Variants in PDZD2 observed in about 807,000 individuals in gnomAD.
PDZD2 encodes PDZ domain containing 2.
Under a neutral mutation model 220.7 loss-of-function variants are expected in PDZD2, and 90 were observed. The observed-to-expected ratio is 0.41, with a 90% confidence interval of 0.34 to 0.49. PDZD2 has a LOEUF of 0.49. Ranked by LOEUF, PDZD2 falls within the 20% of genes least tolerant of loss-of-function variation. The probability of loss-of-function intolerance (pLI) is 0.28; values close to 1 mark genes in which losing one functional copy is unlikely to be tolerated. For missense variants in PDZD2, 3,174 were observed against 3,608.5 expected, an observed-to-expected ratio of 0.88 and a Z score of 3.08; for synonymous variants, 1,375 against 1,450.5, an observed-to-expected ratio of 0.95 and a Z score of 1.18.
At chr5:32,049,618 G>A (rs1489387615) in intron 8 of PDZD2, among the ~76,000 whole-genome samples, 3 of 152,226 alleles carry the variant, frequency 2.0e-5, no homozygotes, top group Non-Finnish European at 4.4e-5. Context: ...CAGAACCTCT[G>A]TAAAGCTTTA....
intron 2 of PDZD2, among the ~76,000 whole-genome samples, chr5:31,821,748 A>G (rs1755877121): frequency 6.6e-6 from 1 of 151,694 alleles, no homozygotes; most frequent in South Asian, 2.1e-4. Context: ...TTACATAGGT[A>G]TACATGTGTC....
chr5:31,802,213 G>T (rs1053656284), intron 2 of PDZD2, among the ~76,000 whole-genome samples: 19 of 151,860 alleles, frequency 1.3e-4, no homozygotes, highest in African/African-American at 4.6e-4. Context: ...TGGGATGGTG[G>T]TATTGGGGTG....
intron 20 of PDZD2, among the ~76,000 whole-genome samples, chr5:32,091,627 G>A (rs1743173055): frequency 6.6e-6 from 1 of 151,910 alleles, no homozygotes; most frequent in South Asian, 2.1e-4. Flanking sequence ...TCATAACCAC[G>A]GTCCATTCGT....
Position 31,761,065 on chromosome 5 carries a change from AG to A in PDZD2, c.-360-37820del, listed in dbSNP as rs201152928. Among the ~76,000 whole-genome samples, 639 of 152,248 alleles carry A rather than the reference AG, an allele frequency of 4.2e-3. 2 individuals are homozygous for A. Among genetic ancestry groups the A allele is most frequent in the African/African-American group, 0.014 (577 of 41,554 alleles). Reference sequence around the variant, plus strand: ...CTCCGTGTGGGGAGGGGCACATAGTAGGGGTGGTGGTGACGGGAGTGGTGCT... The same window carrying A: ...CTCCGTGTGGGGAGGGGCACATAGTAGGGTGGTGGTGACGGGAGTGGTGCT... On this transcript the variant is annotated intron_variant, in intron 1 of 24. Transcript: ENST00000438447.
chr5:32,093,481 G>A (rs536593675), intron 21 of PDZD2, among the ~76,000 whole-genome samples: 1 of 152,200 alleles, frequency 6.6e-6, no homozygotes, highest in East Asian at 1.9e-4. Flanking sequence ...ACAACATGAG[G>A]GTTGGGGCAC....
intron 1 of PDZD2, among the ~76,000 whole-genome samples, chr5:31,640,924 G>A (rs1284700562): frequency 6.6e-6 from 1 of 152,042 alleles, no homozygotes; most frequent in African/African-American, 2.4e-5. Context: ...TCAGAACCAT[G>A]TAAAGTATAT....
At chr5:31,776,280 G>A (rs950668523) in intron 1 of PDZD2, among the ~76,000 whole-genome samples, 6 of 151,820 alleles carry the variant, frequency 4.0e-5, no homozygotes, top group African/African-American at 1.5e-4. Flanking sequence ...TGTCCAAGAT[G>A]CCAGCCCCTT....
At chr5:31,733,379 T>C (rs1218726087) in intron 1 of PDZD2, among the ~76,000 whole-genome samples, 1 of 152,200 alleles carries the variant, frequency 6.6e-6, no homozygotes, top group East Asian at 1.9e-4. Flanking sequence ...ATATCTTTCG[T>C]TTCTGTCTTT....
At position 31,980,317 on chromosome 5, in the gene PDZD2, C is replaced by A. The variant is rs539578223; in HGVS notation, c.477-2838C>A. On this transcript the variant is annotated intron_variant, in intron 2 of 24. Transcript: ENST00000438447. The stretch of plus-strand genomic sequence containing the variant: ...TAGCTTTTTGTGGTCTGACTTCTTT[C>A]ACTTTGCATAATGTTTCCAGGTTTC... Among the ~76,000 whole-genome samples, 36 of 152,320 alleles carry A rather than the reference C, an allele frequency of 2.4e-4. 1 individual carries two copies. Among genetic ancestry groups the A allele is most frequent in the African/African-American group, 9.6e-5 (4 of 41,572 alleles).
At chr5:31,960,202 C>G (rs1406426283) in intron 2 of PDZD2, among the ~76,000 whole-genome samples, 2 of 148,538 alleles carry the variant, frequency 1.3e-5, no homozygotes, top group Non-Finnish European at 3.0e-5. Context: ...TCTTTCCTTC[C>G]TTTCCTTCCT....
rs908052324 is a variant in PDZD2, at chr5:31,880,802, T to C, written c.476+81078T>C. Among the ~76,000 whole-genome samples the C allele has an allele frequency of 1.2e-4, 15 of 130,426 alleles. 1 individual carries two copies. Among genetic ancestry groups the C allele is most frequent in the Middle Eastern group, 7.2e-3 (2 of 276 alleles). 85.6% of individuals were successfully genotyped at this position (130,426 alleles called of 152,430 possible). On this transcript the variant is annotated intron_variant, in intron 2 of 24. Coordinates refer to ENST00000438447, the MANE Select transcript of PDZD2 (RefSeq NM_178140.4). The stretch of plus-strand genomic sequence containing the variant: ...TTTCTTTTTTTTTTCTTTTTTTTTT[T>C]TTTTTTTTTTTTTTTTGAGATGAAG...
intron 1 of PDZD2, among the ~76,000 whole-genome samples, chr5:31,709,542 C>T (rs1438652605): frequency 6.6e-6 from 1 of 151,956 alleles, no homozygotes; most frequent in Non-Finnish European, 1.5e-5. Context: ...TGTCCTGGGC[C>T]AATTTTCTCT....
rs1213576196 is a variant in PDZD2 at position 32,000,478 on chromosome 5, AGTTTGTTTTTGTTTTT to A, written c.1254+212_1254+227del. On this transcript the variant is annotated intron_variant, in intron 5 of 24. Coordinates refer to ENST00000438447, the MANE Select transcript of PDZD2 (RefSeq NM_178140.4). This position sits in a 1 kb window ranked among gnomAD's most constrained non-coding sequence, Gnocchi z 4.5. ...GTTAGTTACTTGGCTTTCCTTAAGA[AGTTTGTTTTTGTTTTT>A]GTTTTTGTTTTTGTTTTTGTTTTTG... Among the ~76,000 whole-genome samples the A allele has an allele frequency of 4.8e-5, 7 of 146,116 alleles. No homozygotes were observed. The highest frequency in any genetic ancestry group is 7.4e-5 in the Non-Finnish European group (5 of 67,450).
intron 19 of PDZD2, among the ~76,000 whole-genome samples, chr5:32,086,467 G>C (rs372066042): frequency 3.9e-5 from 6 of 152,274 alleles, no homozygotes; most frequent in African/African-American, 1.4e-4. Flanking sequence ...ATTTCTTTGT[G>C]GTAGGAACAT....
chr5:32,015,090 C>T (rs1304197910), intron 6 of PDZD2, among the ~76,000 whole-genome samples: 3 of 151,722 alleles, frequency 2.0e-5, no homozygotes, highest in African/African-American at 7.3e-5. Flanking sequence ...TACAGGCACC[C>T]GCCACCACAC....
intron 13 of PDZD2, among the ~76,000 whole-genome samples, 196 bp from the exon 14 acceptor site, chr5:32,060,806 C>A (rs1192160468): frequency 6.6e-6 from 1 of 152,156 alleles, no homozygotes; most frequent in Non-Finnish European, 1.5e-5. Flanking sequence ...TGCATAATGA[C>A]CTTTGCCCAC....
Position 31,712,734 on chromosome 5 carries a change from A to G in PDZD2, c.-361+73297A>G, listed in dbSNP as rs148610106. 4.7e-3 allele frequency among the ~76,000 whole-genome samples: 720 copies of G among 152,258 alleles called. 8 individuals carry two copies. The highest frequency in any genetic ancestry group is 0.017 in the African/African-American group (697 of 41,546). On this transcript the variant is annotated intron_variant, in intron 1 of 24. Coordinates refer to ENST00000438447, the MANE Select transcript of PDZD2 (RefSeq NM_178140.4). ...AGTGGAGGAATACACTTTACCTCTC[A>G]ACAGGGAAGTGACGTGTGCACAGAA...
At position 32,074,232 on chromosome 5, in the gene PDZD2, G is replaced by A; in HGVS notation, c.3126G>A (p.Glu1042=). 1 of 1,614,218 alleles carries A rather than the reference G, an allele frequency of 6.2e-7. No homozygotes were observed. The highest frequency in any genetic ancestry group is 8.5e-7 in the Non-Finnish European group (1 of 1,180,040). Residue 1042 remains glutamate (E), a synonymous_variant, in exon 18 of 25, where the codon GAG becomes GAA. Transcript: ENST00000438447. ...TTCTTGGTAGCTCAGTGGACTTAGAGGAGAGTATCCCAGAGGGCATGGTGG... is the reference window on the plus strand; with the variant it reads ...TTCTTGGTAGCTCAGTGGACTTAGAAGAGAGTATCCCAGAGGGCATGGTGG... ...APLLGSSVDL[E]ESIPEGMVDA...
chr5:31,808,135 G>A (rs1205253226), intron 2 of PDZD2, among the ~76,000 whole-genome samples: 1 of 152,102 alleles, frequency 6.6e-6, no homozygotes, highest in Non-Finnish European at 1.5e-5. Context: ...GTAGTCTCTG[G>A]GGCCATTTAG....
Sources: gnomAD v4.1 joint callset for allele counts (sites outside exome capture counted in the v4.1 genomes callset) on GRCh38, gnomAD v4.1.1 for gene constraint, Gnocchi (gnomAD v3.1) non-coding constraint, MANE v1.5 for transcripts, NCBI Gene and HGNC (gene_info 2026-07-23, HGNC 2026-07-21) for gene names.